The following PRKCE variants were observed in gnomAD, a reference collection of about 807,000 sequenced individuals.
The protein encoded by PRKCE is protein kinase C epsilon type.
PRKCE carries 16 observed loss-of-function variants against 85.4 expected under a neutral mutation model. That is an observed-to-expected ratio of 0.19 (90% confidence interval 0.13 to 0.28). The LOEUF (loss-of-function observed/expected upper bound fraction) is 0.28. Ranked by LOEUF, PRKCE falls within the 10% of genes least tolerant of loss-of-function variation. The pLI is 1.00. For missense variants in PRKCE, 573 were observed against 975.2 expected, an observed-to-expected ratio of 0.59 and a Z score of 5.49; for synonymous variants, 388 against 371.5, an observed-to-expected ratio of 1.04 and a Z score of -0.51.
In PRKCE at chr2:46,138,493, C is replaced by T. The variant is rs1055541685; in HGVS notation, c.1593-6600C>T. 6.6e-6 allele frequency among the ~76,000 whole-genome samples: 1 copy of T among 152,156 alleles called. No individual in the cohort carries two copies. The highest frequency in any genetic ancestry group is 2.4e-5 in the African/African-American group (1 of 41,430). The stretch of plus-strand genomic sequence containing the variant: ...TAGCAGGGTTGGTAGAGTCAGGATT[C>T]CCATCTCCTAGGAATAAAATGGCAG... On this transcript the variant is annotated intron_variant, in intron 11 of 14. Transcript: ENST00000306156. This position sits in a 1 kb window ranked among gnomAD's most constrained non-coding sequence, Gnocchi z 4.2.
chr2:45,703,538 TA>T (rs35768098), intron 1 of PRKCE, among the ~76,000 whole-genome samples: 25 of 144,322 alleles, frequency 1.7e-4, no homozygotes, highest in Non-Finnish European at 1.5e-4. Context: ...ACCTTGTCTC[TA>T]AAAAAAAAAG....
chr2:45,749,752 G>C (rs1031699480), intron 1 of PRKCE, among the ~76,000 whole-genome samples: 1 of 152,226 alleles, frequency 6.6e-6, no homozygotes, highest in African/African-American at 2.4e-5. Flanking sequence ...GATGGAACCA[G>C]AATTGAACAT....
Position 45,905,308 on chromosome 2 carries a change from A to G in PRKCE, c.412+62245A>G, listed in dbSNP as rs1275906043. Among the ~76,000 whole-genome samples the G allele has an allele frequency of 2.0e-5, 3 of 152,238 alleles. No individual in the cohort carries two copies. Among genetic ancestry groups the G allele is most frequent in the Non-Finnish European group, 1.5e-5 (1 of 68,046 alleles). The stretch of plus-strand genomic sequence containing the variant: ...GAAAACAGGGAAGCTCCAAAAAAAA[A>G]GTAACTCAGAGGTCAAGGTGAACCC... On this transcript the variant is annotated intron_variant, in intron 2 of 14. Transcript: ENST00000306156. This position sits in a 1 kb window ranked among gnomAD's most constrained non-coding sequence, Gnocchi z 4.4.
chr2:45,894,245 G>T (rs1033508604), intron 2 of PRKCE, among the ~76,000 whole-genome samples: 2 of 151,970 alleles, frequency 1.3e-5, no homozygotes, highest in African/African-American at 4.8e-5. Context: ...ATCACTGGGG[G>T]CGGGTTGGGG....
intron 1 of PRKCE, among the ~76,000 whole-genome samples, chr2:45,680,166 A>C (rs1009242568): frequency 6.6e-6 from 1 of 152,244 alleles, no homozygotes; most frequent in Non-Finnish European, 1.5e-5. Context: ...GTCATTAGAC[A>C]AATAATGACA....
chr2:46,081,012 G>C (rs1333267130), intron 10 of PRKCE, among the ~76,000 whole-genome samples: 1 of 130,994 alleles, frequency 7.6e-6, no homozygotes, highest in Admixed American at 7.7e-5. Context: ...CATTTTTAGA[G>C]GCAGGGTTTC....
chr2:45,653,370 GTTTTTT>G (rs34888247), intron 1 of PRKCE, among the ~76,000 whole-genome samples: 1,415 of 61,510 alleles, frequency 0.023, 27 homozygotes, highest in African/African-American at 0.074. Flanking sequence ...TTTTTGGGTT[GTTTTTT>G]TTTTTTTTTT....
At chr2:45,901,034 C>A (rs570529981) in intron 2 of PRKCE, among the ~76,000 whole-genome samples, 1 of 152,306 alleles carries the variant, frequency 6.6e-6, no homozygotes, top group East Asian at 1.9e-4. Context: ...GATGGAGATG[C>A]TTTCGCTGGG....
chr2:45,959,278 A>G (rs1472908610), intron 2 of PRKCE, among the ~76,000 whole-genome samples: 1 of 152,154 alleles, frequency 6.6e-6, no homozygotes, highest in Non-Finnish European at 1.5e-5. Context: ...TCTAGAATGA[A>G]GGAGTAACGC....
At chr2:45,945,958 T>C (rs529579741) in intron 2 of PRKCE, among the ~76,000 whole-genome samples, 23 of 152,342 alleles carry the variant, frequency 1.5e-4, no homozygotes, top group African/African-American at 5.5e-4. Flanking sequence ...ATGGTAGTGA[T>C]GATAAACCAA....
intron 1 of PRKCE, among the ~76,000 whole-genome samples, chr2:45,735,581 C>G (rs968415940): frequency 2.6e-5 from 4 of 152,200 alleles, no homozygotes; most frequent in African/African-American, 7.2e-5. Context: ...TGCCGAGGTG[C>G]CTGGCACAGG....
intron 2 of PRKCE, among the ~76,000 whole-genome samples, chr2:45,928,627 G>C (rs1301327253): frequency 2.0e-5 from 3 of 152,194 alleles, no homozygotes; most frequent in African/African-American, 7.2e-5. Flanking sequence ...ACAACAATGT[G>C]TATAGAAGTA....
At chr2:46,052,600 C>T (rs1020640850) in intron 10 of PRKCE, among the ~76,000 whole-genome samples, 1 of 152,166 alleles carries the variant, frequency 6.6e-6, no homozygotes, top group Non-Finnish European at 1.5e-5. Flanking sequence ...AATGCAGTCC[C>T]TAGTAAAATC....
chr2:45,985,191 C>T (rs186187281), intron 6 of PRKCE, among the ~76,000 whole-genome samples: 134 of 152,192 alleles, frequency 8.8e-4, no homozygotes, highest in Middle Eastern at 3.4e-3. Flanking sequence ...GGTGAGGAAA[C>T]GGAGGCTCAG....
At chr2:45,832,496 A>G (rs1303018300) in intron 1 of PRKCE, among the ~76,000 whole-genome samples, 9 of 152,054 alleles carry the variant, frequency 5.9e-5, no homozygotes, top group Non-Finnish European at 1.3e-4. Flanking sequence ...TATTTTTAGT[A>G]GAGATGGGGT....
At chr2:46,114,973 C>T (rs561213186) in intron 11 of PRKCE, among the ~76,000 whole-genome samples, 16 of 152,292 alleles carry the variant, frequency 1.1e-4, no homozygotes, top group Admixed American at 3.9e-4. Context: ...GTCCCAGGAA[C>T]TCTTGTGCCA....
chr2:45,958,214 G>C (rs202088057), intron 2 of PRKCE, among the ~76,000 whole-genome samples: 3 of 97,772 alleles, frequency 3.1e-5, no homozygotes, highest in Non-Finnish European at 6.6e-5. Context: ...AAAAAAAAAA[G>C]AAAAAGAAAA....
chr2:45,909,657 C>T (rs1448430334), intron 2 of PRKCE, among the ~76,000 whole-genome samples: 1 of 152,236 alleles, frequency 6.6e-6, no homozygotes, highest in Admixed American at 6.5e-5. Flanking sequence ...TCCTCATCCC[C>T]TACCCCCATT....
chr2:45,823,006 T>C (rs954686063), intron 1 of PRKCE, among the ~76,000 whole-genome samples: 1 of 152,232 alleles, frequency 6.6e-6, no homozygotes. Flanking sequence ...CATTAATTCC[T>C]GTTAAACCCC....
Sources: allele counts gnomAD v4.1 joint callset (sites outside exome capture counted in the v4.1 genomes callset), GRCh38; gene constraint gnomAD v4.1.1; non-coding constraint Gnocchi (gnomAD v3.1); transcripts MANE v1.5; gene names NCBI Gene and HGNC (gene_info 2026-07-23, HGNC 2026-07-21).